Variants in SHMT1 observed in about 807,000 individuals in gnomAD.
SHMT1 encodes serine hydroxymethyltransferase 1, also known as serine hydroxymethyltransferase, cytosolic.
In SHMT1, 45 loss-of-function variants were observed where a neutral mutation model predicts 49.0. That is an observed-to-expected ratio of 0.92 (90% CI 0.72 to 1.18). SHMT1 has a LOEUF of 1.18. Among genes scored for constraint, SHMT1 ranks in the 50% most tolerant of loss-of-function variants. The pLI is 0.00. For synonymous variants in SHMT1, 232 were observed against 246.6 expected (o/e 0.94, Z 0.55); for missense variants, 541 against 612.4 (o/e 0.88, Z 1.23).
rs527791908 is a variant in SHMT1, at chr17:18,332,581, T to C, written c.1054+585A>G. 38 of 177,220 alleles carry C rather than the reference T, an allele frequency of 2.1e-4. 1 individual carries two copies. In the South Asian group the frequency reaches 5.0e-3, roughly 23 times the overall value. 11.0% of individuals were successfully genotyped at this position (177,220 alleles called of 1,614,324 possible). A position where few individuals can be genotyped will look rare whatever the true frequency, so the allele number is the denominator to read the frequency against. On this transcript the variant is annotated intron_variant, in intron 9 of 11. Transcript: ENST00000316694. ...TATGCTGCCTGCCAAAAAAATGCGT[T>C]CTCCGTGGAAAGCTGCAGTGACTGT...
chr17:18,333,455 TTTA>T (rs541603988), intron 8 of SHMT1, 167 bp from the exon 9 acceptor site: 2 of 320,102 alleles, frequency 6.2e-6, no homozygotes, highest in South Asian at 1.0e-4. Context: ...TTAAAAATTT[TTTA>T]TTATTTATTA....
At chr17:18,331,571 A>G (rs1249456851) in intron 9 of SHMT1, 1 of 152,628 alleles carries the variant, frequency 6.6e-6, no homozygotes, top group African/African-American at 2.4e-5. Context: ...CTCAGATGGC[A>G]GAGTGACAAT....
chr17:18,345,035 A>T (rs948213994), intron 5 of SHMT1, among the ~76,000 whole-genome samples: 1 of 152,070 alleles, frequency 6.6e-6, no homozygotes, highest in Admixed American at 6.5e-5. Flanking sequence ...GATGAATGCC[A>T]ATAAGGTCTG....
At chr17:18,360,769 C>T (rs1232287392) in intron 1 of SHMT1, among the ~76,000 whole-genome samples, 1 of 151,960 alleles carries the variant, frequency 6.6e-6, no homozygotes, top group Non-Finnish European at 1.5e-5. Flanking sequence ...GTGTGACTGG[C>T]CAAGGGTCAG....
chr17:18,339,209 G>T (rs978783928), intron 7 of SHMT1, among the ~76,000 whole-genome samples: 2 of 152,132 alleles, frequency 1.3e-5, no homozygotes, highest in African/African-American at 4.8e-5. Context: ...AAAATAAGGG[G>T]AGTGCCTAGG....
intron 1 of SHMT1, among the ~76,000 whole-genome samples, chr17:18,360,704 C>T (rs945799946): frequency 6.6e-6 from 1 of 152,110 alleles, no homozygotes. Flanking sequence ...GAGCAATCTA[C>T]GCAGAGTAAA....
intron 1 of SHMT1, among the ~76,000 whole-genome samples, chr17:18,358,363 G>C (rs377450370): frequency 2.0e-5 from 3 of 151,820 alleles, no homozygotes; most frequent in African/African-American, 7.2e-5. Flanking sequence ...AGTGGCTCAC[G>C]CCTGTAATCC....
chr17:18,349,787 G>A (rs776346848), intron 3 of SHMT1, among the ~76,000 whole-genome samples: 2 of 152,036 alleles, frequency 1.3e-5, no homozygotes, highest in African/African-American at 2.4e-5. Context: ...TTGGGAGGCC[G>A]AAGTGGGCGG....
Position 18,348,327 on chromosome 17 carries a change from G to A in SHMT1, c.356C>T (p.Ser119Leu). ...GGCCATATGGATGAGACAAGCACCT[G>A]AGTAGGGCTGGACGTTGACCCCCCA... ...QCWGVNVQPY[S>L]GSPANFAVYT... Residue 119 changes from serine (S) to leucine (L), a missense_variant and splice_region_variant, in exon 4 of 12, where the codon TCA (serine) becomes TTA (leucine). Physicochemically the swap from Ser to Leu is moderately radical, Grantham distance 145 (BLOSUM62 -2). Transcript: ENST00000316694. The A allele has an allele frequency of 6.2e-7, 1 of 1,605,142 alleles. No homozygotes were observed. Among genetic ancestry groups the A allele is most frequent in the East Asian group, 2.2e-5 (1 of 44,842 alleles).
At chr17:18,343,148 C>T (rs1281720653) in intron 5 of SHMT1, among the ~76,000 whole-genome samples, 1 of 151,584 alleles carries the variant, frequency 6.6e-6, no homozygotes, top group Non-Finnish European at 1.5e-5. Flanking sequence ...TAGTTCCACA[C>T]TGTATATACA....
chr17:18,330,974 G>C, intron 9 of SHMT1: 1 of 419,254 alleles, frequency 2.4e-6, no homozygotes, highest in Non-Finnish European at 4.5e-6. Context: ...AGTTGCTTGG[G>C]CAATTCCCTA....
chr17:18,347,458 C>G lies in SHMT1; in HGVS notation c.519+38G>C, dbSNP rs1163332645. ...GGCACAGCCAAGCATCAGAGGTTTC[C>G]CAAGGAAATAAAAGCTAGGAGAGAA... On this transcript the variant is annotated intron_variant, in intron 5 of 11. Transcript: ENST00000316694. 4.3e-6 allele frequency: 7 copies of G among 1,611,024 alleles called. No individual in the cohort carries two copies. In the South Asian group the frequency reaches 7.7e-5, roughly 18 times the overall value.
At chr17:18,356,796 G>A (rs966955242) in intron 1 of SHMT1, among the ~76,000 whole-genome samples, 5 of 151,876 alleles carry the variant, frequency 3.3e-5, no homozygotes, top group African/African-American at 4.8e-5. Flanking sequence ...AACTGCAGAC[G>A]TCAGCTCATC....
intron 1 of SHMT1, among the ~76,000 whole-genome samples, chr17:18,358,022 C>T (rs1425885569): frequency 6.6e-6 from 1 of 150,766 alleles, no homozygotes; most frequent in Non-Finnish European, 1.5e-5. Context: ...CACCACCATG[C>T]CTGGCTAATT....
At chr17:18,352,983 A>G (rs948383026) in intron 3 of SHMT1, among the ~76,000 whole-genome samples, 1 of 152,196 alleles carries the variant, frequency 6.6e-6, no homozygotes, top group Non-Finnish European at 1.5e-5. Flanking sequence ...TCACAATAGG[A>G]GAAAGACAAT....
intron 2 of SHMT1, among the ~76,000 whole-genome samples, chr17:18,354,596 CAGAAAA>C (rs1462268163): frequency 6.6e-6 from 1 of 151,932 alleles, no homozygotes. Context: ...GACTTCATCT[CAGAAAA>C]AGAAAAACAA....
rs1241514910 is a variant in SHMT1, at chr17:18,340,902, T to G, written c.520-89A>C. 1 of 903,750 alleles carries G rather than the reference T, an allele frequency of 1.1e-6. No individual in the cohort carries two copies. The highest frequency in any genetic ancestry group is 1.8e-6 in the Non-Finnish European group (1 of 558,722). 56.0% of individuals were successfully genotyped at this position (903,750 alleles called of 1,614,324 possible). Reference sequence around the variant, plus strand: ...CCACTTGAACTGGCTCCACCCACCATGACAAGAGGAATGATGTCCTAGATG... The same window carrying G: ...CCACTTGAACTGGCTCCACCCACCAGGACAAGAGGAATGATGTCCTAGATG... On this transcript the variant is annotated intron_variant, in intron 5 of 11. Transcript: ENST00000316694. This position sits in a 1 kb window ranked among gnomAD's most constrained non-coding sequence, Gnocchi z 4.5.
At chr17:18,336,581 C>T (rs945543006) in intron 7 of SHMT1, among the ~76,000 whole-genome samples, 4 of 150,796 alleles carry the variant, frequency 2.7e-5, no homozygotes, top group Non-Finnish European at 3.0e-5. Context: ...CAGGAGAATG[C>T]GTTGAACCCG....
At chr17:18,353,486 G>A (rs1216350785) in intron 3 of SHMT1, 186 bp downstream of exon 3, 6 of 729,942 alleles carry the variant, frequency 8.2e-6, no homozygotes, top group African/African-American at 3.5e-5. Context: ...GTACACCTGC[G>A]CTGAGCTCTT....
Sources: gnomAD v4.1 joint callset for allele counts (sites outside exome capture counted in the v4.1 genomes callset) on GRCh38, gnomAD v4.1.1 for gene constraint, Gnocchi (gnomAD v3.1) non-coding constraint, MANE v1.5 for transcripts, NCBI Gene and HGNC (gene_info 2026-07-23, HGNC 2026-07-21) for gene names.